TNS3: variants seen among roughly 807,000 people sequenced by gnomAD.
TNS3 encodes tensin 3.
Under a neutral mutation model 140.9 loss-of-function variants are expected in TNS3, and 45 were observed. The observed-to-expected ratio is 0.32, with a 90% CI of 0.25 to 0.41. The LOEUF (loss-of-function observed/expected upper bound fraction) is 0.41, where lower values mean the gene tolerates loss of function less well. Among genes scored for constraint, TNS3 ranks in the 10% least tolerant of loss-of-function variants. The pLI is 1.00. For missense variants in TNS3, 1,716 were observed against 1,906.7 expected, an observed-to-expected ratio of 0.90 and a Z score of 1.86; for synonymous variants, 815 against 788.4, an observed-to-expected ratio of 1.03 and a Z score of -0.56.
intron 3 of TNS3, among the ~76,000 whole-genome samples, chr7:47,492,999 G>A (rs1455576580): frequency 2.0e-5 from 3 of 152,206 alleles, no homozygotes; most frequent in Non-Finnish European, 4.4e-5. Flanking sequence ...GGGGGTCTGT[G>A]GCATCTGAGG....
intron 16 of TNS3, among the ~76,000 whole-genome samples, chr7:47,385,263 C>G (rs916016762): frequency 6.6e-6 from 1 of 152,236 alleles, no homozygotes; most frequent in African/African-American, 2.4e-5. Flanking sequence ...ACCAAGCCCC[C>G]ACTCTTGGCT....
intron 4 of TNS3, chr7:47,470,516 C>T (rs1201233094): frequency 6.1e-6 from 6 of 985,350 alleles, no homozygotes; most frequent in Non-Finnish European, 6.0e-6. Flanking sequence ...ACACTGCTTA[C>T]AGGTGAGTCC....
intron 17 of TNS3, among the ~76,000 whole-genome samples, chr7:47,355,674 C>A (rs1219566351): frequency 6.6e-6 from 1 of 152,208 alleles, no homozygotes; most frequent in Non-Finnish European, 1.5e-5. Flanking sequence ...CGGCAACTTT[C>A]CACCTTGTCC....
At chr7:47,525,924 G>A (rs1287824077) in intron 2 of TNS3, among the ~76,000 whole-genome samples, 1 of 152,182 alleles carries the variant, frequency 6.6e-6, no homozygotes, top group South Asian at 2.1e-4. Flanking sequence ...TCAATCTGGG[G>A]TCCTTCCCTG....
chr7:47,562,553 A>C (rs1800339467), intron 1 of TNS3, among the ~76,000 whole-genome samples: 1 of 152,058 alleles, frequency 6.6e-6, no homozygotes, highest in East Asian at 1.9e-4. Flanking sequence ...CACTCGGCTA[A>C]TTTTTGTATT....
chr7:47,433,321 T>A (rs1795015315), intron 8 of TNS3, among the ~76,000 whole-genome samples: 1 of 152,202 alleles, frequency 6.6e-6, no homozygotes, highest in African/African-American at 2.4e-5. Flanking sequence ...AAAGAGGGCT[T>A]ATCTCTCAGG....
chr7:47,571,133 G>A (rs1313026632), intron 1 of TNS3, among the ~76,000 whole-genome samples: 1 of 152,144 alleles, frequency 6.6e-6, no homozygotes, highest in Non-Finnish European at 1.5e-5. Context: ...ACTTCTTTTG[G>A]GGTCAGAGCT....
In TNS3 at chr7:47,407,400, G is replaced by A. The variant is rs544817706; in HGVS notation, c.723+4327C>T. Among the ~76,000 whole-genome samples, 3 of 152,156 alleles carry A rather than the reference G, an allele frequency of 2.0e-5. No homozygotes were observed. The highest frequency in any genetic ancestry group is 4.4e-5 in the Non-Finnish European group (3 of 68,026). On this transcript the variant is annotated intron_variant, in intron 13 of 30. Transcript: ENST00000311160. The surrounding 1 kb of genome is among the most constrained non-coding windows in gnomAD (Gnocchi z 4.1). ...ATCTCCCTGAAGGACCCAGACTCCC[G>A]GGAGCAGGAGCCCTGCACTGCCCAC...
At chr7:47,305,599 C>T (rs942473050) in intron 20 of TNS3, among the ~76,000 whole-genome samples, 5 of 152,238 alleles carry the variant, frequency 3.3e-5, no homozygotes, top group Non-Finnish European at 5.9e-5. Context: ...CCAGGTCAAA[C>T]CCCGCTGCTT....
At chr7:47,544,488 C>T in intron 1 of TNS3, among the ~76,000 whole-genome samples, 1 of 152,066 alleles carries the variant, frequency 6.6e-6, no homozygotes, top group Non-Finnish European at 1.5e-5. Context: ...GGGGTTAATG[C>T]CTTTAAGAAA....
intron 1 of TNS3, among the ~76,000 whole-genome samples, chr7:47,543,201 C>G (rs576065277): frequency 6.6e-6 from 1 of 152,336 alleles, no homozygotes; most frequent in Non-Finnish European, 1.5e-5. Flanking sequence ...AGCTTGTGCT[C>G]CATCCGAAAT....
intron 27 of TNS3, among the ~76,000 whole-genome samples, chr7:47,289,217 G>A (rs950804637): frequency 6.6e-6 from 1 of 152,202 alleles, no homozygotes; most frequent in Non-Finnish European, 1.5e-5. Context: ...CTTCATTGTG[G>A]AGTTACACCT....
At chr7:47,296,511 A>G (rs1035327102) in intron 24 of TNS3, among the ~76,000 whole-genome samples, 2 of 152,226 alleles carry the variant, frequency 1.3e-5, no homozygotes, top group Non-Finnish European at 2.9e-5. Flanking sequence ...AAAAGTCATT[A>G]TGGTTTTTGC....
At chr7:47,288,732 G>A (rs1453719189) in intron 27 of TNS3, among the ~76,000 whole-genome samples, 10 of 152,172 alleles carry the variant, frequency 6.6e-5, no homozygotes, top group Non-Finnish European at 1.2e-4. Flanking sequence ...GGGTGAGGCC[G>A]GCTTCCCAGG....
chr7:47,502,580 CG>C (rs1364225127), intron 3 of TNS3, among the ~76,000 whole-genome samples: 1 of 152,204 alleles, frequency 6.6e-6, no homozygotes, highest in Non-Finnish European at 1.5e-5. Context: ...GGGCAGCAGG[CG>C]ATGAGGGCAG....
chr7:47,322,623 GAAAAAGA>G lies in TNS3; in HGVS notation c.2651-17627_2651-17621del, dbSNP rs1281802578. Among the ~76,000 whole-genome samples the G allele has an allele frequency of 2.6e-5, 4 of 152,072 alleles. 1 individual carries two copies. Among genetic ancestry groups the G allele is most frequent in the African/African-American group, 2.4e-5 (1 of 41,432 alleles). On this transcript the variant is annotated intron_variant, in intron 20 of 30. Coordinates refer to ENST00000311160, the MANE Select transcript of TNS3 (RefSeq NM_022748.12). ...CCCTAGGAATGGAATGTTATGATTA[GAAAAAGA>G]AAAAAGAAAATGGTTTGTGAAAGCC...
chr7:47,384,049 T>C (rs1356524942), intron 16 of TNS3, among the ~76,000 whole-genome samples: 2 of 152,132 alleles, frequency 1.3e-5, no homozygotes, highest in African/African-American at 4.8e-5. Context: ...CCACCAACTT[T>C]CAACAAATGC....
Position 47,303,068 on chromosome 7 carries a change from T to A in TNS3, c.3339A>T (p.Ser1113=). The change falls in exon 22 of 31, where the codon TCA becomes TCT. Residue 1113 remains serine, a synonymous_variant. Transcript: ENST00000311160. ...RASEGDRSLG[S]VSPSSSGFSS... ...AGAAGCCACTGGAGGAGGGAGAGAC[T>A]GAGCCCAAAGAACGATCCCCCTCCG... The A allele has an allele frequency of 6.2e-7, 1 of 1,614,194 alleles. No homozygotes were observed. The highest frequency in any genetic ancestry group is 8.5e-7 in the Non-Finnish European group (1 of 1,180,038).
chr7:47,376,755 A>ACACACACACACACACACAC (rs10522516), intron 16 of TNS3, among the ~76,000 whole-genome samples: 1 of 151,518 alleles, frequency 6.6e-6, no homozygotes, highest in Non-Finnish European at 1.5e-5. Context: ...ACACACACAC[A>ACACACACACACACACACAC]AACTCATATA....
Sources: allele counts gnomAD v4.1 joint callset (sites outside exome capture counted in the v4.1 genomes callset), GRCh38; gene constraint gnomAD v4.1.1; non-coding constraint Gnocchi (gnomAD v3.1); transcripts MANE v1.5; gene names NCBI Gene and HGNC (gene_info 2026-07-23, HGNC 2026-07-21).